EPHA7: variants seen among roughly 807,000 people sequenced by gnomAD.
The protein encoded by EPHA7 is ephrin type-A receptor 7.
Under a neutral mutation model 112.6 loss-of-function variants are expected in EPHA7, and 25 were observed. The observed-to-expected ratio is 0.22, with a 90% confidence interval of 0.16 to 0.31. The LOEUF is 0.31. EPHA7 is among the 10% of genes least tolerant of loss of function. EPHA7 has a pLI of 1.00. For synonymous variants in EPHA7, 437 were observed against 406.5 expected, an observed-to-expected ratio of 1.07 and a Z score of -0.90; for missense variants, 962 against 1,212.6, an observed-to-expected ratio of 0.79 and a Z score of 3.07.
intron 5 of EPHA7, among the ~76,000 whole-genome samples, chr6:93,333,114 T>C (rs1474460410): frequency 2.6e-5 from 4 of 151,840 alleles, no homozygotes; most frequent in Non-Finnish European, 5.9e-5. Context: ...CAGCTTCCAC[T>C]TGTAAGTGAG....
intron 5 of EPHA7, among the ~76,000 whole-genome samples, chr6:93,277,725 G>A (rs1771536530): frequency 6.6e-6 from 1 of 151,640 alleles, no homozygotes; most frequent in African/African-American, 2.4e-5. Flanking sequence ...ATACCAATTA[G>A]GATAATGATT....
At chr6:93,346,138 A>T (rs938769072) in intron 5 of EPHA7, among the ~76,000 whole-genome samples, 1 of 151,592 alleles carries the variant, frequency 6.6e-6, no homozygotes, top group Non-Finnish European at 1.5e-5. Flanking sequence ...TTGGGGGAAA[A>T]CCTAAATATG....
chr6:93,288,621 C>T (rs1277840979), intron 5 of EPHA7, among the ~76,000 whole-genome samples: 1 of 152,144 alleles, frequency 6.6e-6, no homozygotes, highest in Non-Finnish European at 1.5e-5. Context: ...GAAACAAAAT[C>T]ATTACCATGA....
At chr6:93,357,755 G>C (rs1776027534) in intron 4 of EPHA7, among the ~76,000 whole-genome samples, 1 of 151,532 alleles carries the variant, frequency 6.6e-6, no homozygotes, top group Non-Finnish European at 1.5e-5. Context: ...CCAGGTTCAA[G>C]TGATTCTCCT....
intron 14 of EPHA7, among the ~76,000 whole-genome samples, chr6:93,250,587 G>C (rs1016806916): frequency 6.6e-6 from 1 of 152,078 alleles, no homozygotes; most frequent in African/African-American, 2.4e-5. Flanking sequence ...GTGCTGTTAA[G>C]AATGGCATTA....
At chr6:93,398,713 TC>T (rs1295402566) in intron 3 of EPHA7, among the ~76,000 whole-genome samples, 1 of 151,962 alleles carries the variant, frequency 6.6e-6, no homozygotes, top group African/African-American at 2.4e-5. Context: ...ATCTTGAAAA[TC>T]AACAAGAGAG....
At chr6:93,377,444 G>A (rs773525375) in intron 3 of EPHA7, among the ~76,000 whole-genome samples, 6 of 151,072 alleles carry the variant, frequency 4.0e-5, no homozygotes, top group Non-Finnish European at 5.9e-5. Flanking sequence ...AGAAAAGTTA[G>A]TTTCATCCTT....
At chr6:93,300,460 T>A (rs1772920772) in intron 5 of EPHA7, among the ~76,000 whole-genome samples, 1 of 152,144 alleles carries the variant, frequency 6.6e-6, no homozygotes, top group Admixed American at 6.5e-5. Flanking sequence ...GCAGTAAGAT[T>A]TAGGACAATT....
chr6:93,368,500 GTCAGGTTACT>G (rs1212054827), intron 3 of EPHA7, among the ~76,000 whole-genome samples: 1 of 152,024 alleles, frequency 6.6e-6, no homozygotes, highest in Non-Finnish European at 1.5e-5. Context: ...ATTCTATAAG[GTCAGGTTACT>G]TCAAGTTAAT....
intron 3 of EPHA7, among the ~76,000 whole-genome samples, chr6:93,400,180 T>G (rs1037090961): frequency 6.6e-6 from 1 of 152,096 alleles, no homozygotes; most frequent in African/African-American, 2.4e-5. Context: ...GAAGATATTA[T>G]GAAACATTTT....
At chr6:93,250,850 T>G (rs1770176967) in intron 14 of EPHA7, among the ~76,000 whole-genome samples, 1 of 152,072 alleles carries the variant, frequency 6.6e-6, no homozygotes, top group African/African-American at 2.4e-5. Flanking sequence ...TTTGGGTAAA[T>G]GTAATTTTAA....
chr6:93,352,993 T>C (rs1367190867), intron 5 of EPHA7, among the ~76,000 whole-genome samples: 1 of 151,970 alleles, frequency 6.6e-6, no homozygotes, highest in African/African-American at 2.4e-5. Flanking sequence ...GGCAGTAGGC[T>C]TAATACCTGG....
chr6:93,258,444 C>T (rs168290), intron 10 of EPHA7, among the ~76,000 whole-genome samples, 160 bp from the exon 11 acceptor site: 114,991 of 151,812 alleles, frequency 0.76, 43,717 homozygotes, highest in South Asian at 0.84. Context: ...GTGAGTTACA[C>T]TGAATACATT....
In EPHA7 at chr6:93,269,569, T is replaced by C. The variant is rs756567371; in HGVS notation, c.1541A>G (p.Gln514Arg). 1.2e-6 allele frequency: 2 copies of C among 1,610,646 alleles called. No homozygotes were observed. The highest frequency in any genetic ancestry group is 1.7e-6 in the Non-Finnish European group (2 of 1,178,070). Reference protein sequence around the residue: ...NLKPGTVYVFQIRAFTAAGYG... With the variant: ...NLKPGTVYVFRIRAFTAAGYG... ...ACCAGCAGCAGTAAAAGCCCGAATC[T>C]GGAAAACATACACTGTTCCTGGTTT... The change falls in exon 7 of 17, where the codon CAG becomes CGG. Residue 514 changes from glutamine (Q) to arginine (R), a missense_variant. Gln to Arg is a conservative substitution (Grantham distance 43). Transcript: ENST00000369303.
At chr6:93,332,940 T>C (rs1256877282) in intron 5 of EPHA7, among the ~76,000 whole-genome samples, 1 of 151,676 alleles carries the variant, frequency 6.6e-6, no homozygotes, top group Non-Finnish European at 1.5e-5. Flanking sequence ...TATTGGTACA[T>C]TTTGGGTCAT....
intron 5 of EPHA7, among the ~76,000 whole-genome samples, chr6:93,308,559 C>T (rs1773374631): frequency 6.6e-6 from 1 of 151,996 alleles, no homozygotes; most frequent in South Asian, 2.1e-4. Flanking sequence ...AAGGAAACAA[C>T]ATCTTACTTA....
chr6:93,347,734 CA>C (rs1284743798), intron 5 of EPHA7, among the ~76,000 whole-genome samples: 1 of 151,730 alleles, frequency 6.6e-6, no homozygotes, highest in Non-Finnish European at 1.5e-5. Flanking sequence ...TGGGGATGGC[CA>C]TCTTCTTGCT....
At chr6:93,263,052 C>G (rs1002450299) in intron 9 of EPHA7, among the ~76,000 whole-genome samples, 1 of 150,886 alleles carries the variant, frequency 6.6e-6, no homozygotes, top group Non-Finnish European at 1.5e-5. Flanking sequence ...ATGGGTACTA[C>G]AAAATAATAA....
At chr6:93,344,648 A>G (rs1775304144) in intron 5 of EPHA7, among the ~76,000 whole-genome samples, 1 of 151,658 alleles carries the variant, frequency 6.6e-6, no homozygotes, top group Non-Finnish European at 1.5e-5. Context: ...ACCTCAAGTT[A>G]TCAGTAAAAA....
Sources: gnomAD v4.1 joint callset for allele counts (sites outside exome capture counted in the v4.1 genomes callset) on GRCh38, gnomAD v4.1.1 for gene constraint, MANE v1.5 for transcripts, NCBI Gene and HGNC (gene_info 2026-07-23, HGNC 2026-07-21) for gene names.